PTPRR: variants seen among roughly 807,000 people sequenced by gnomAD.
PTPRR encodes the protein protein tyrosine phosphatase receptor type R, also known as receptor-type tyrosine-protein phosphatase R.
In PTPRR, 38 loss-of-function variants were observed where a neutral mutation model predicts 77.2. That is an observed-to-expected ratio of 0.49 (90% CI 0.38 to 0.65). PTPRR has a LOEUF of 0.65. Ranked by LOEUF, PTPRR falls within the 30% of genes least tolerant of loss-of-function variation. The pLI is 0.00. For missense variants in PTPRR, 744 were observed against 799.2 expected (o/e 0.93, Z 0.83); for synonymous variants, 299 against 283.1 (o/e 1.06, Z -0.57).
chr12:70,711,178 C>T (rs1458877240), intron 6 of PTPRR, among the ~76,000 whole-genome samples: 1 of 151,988 alleles, frequency 6.6e-6, no homozygotes, highest in Non-Finnish European at 1.5e-5. Context: ...AGAAAATGTG[C>T]TACATATACA....
chr12:70,750,292 T>C (rs549904856), intron 5 of PTPRR, among the ~76,000 whole-genome samples: 1 of 152,338 alleles, frequency 6.6e-6, no homozygotes, highest in East Asian at 1.9e-4. Flanking sequence ...AAACCCATGC[T>C]TTTCATTTCT....
intron 2 of PTPRR, among the ~76,000 whole-genome samples, chr12:70,833,330 CT>C (rs974996116): frequency 3.9e-5 from 6 of 152,032 alleles, no homozygotes; most frequent in African/African-American, 1.4e-4. Flanking sequence ...TTTGTTGAGA[CT>C]ATAACAAGAG....
intron 13 of PTPRR, among the ~76,000 whole-genome samples, chr12:70,647,416 A>G (rs944256323): frequency 6.6e-6 from 1 of 152,238 alleles, no homozygotes; most frequent in African/African-American, 2.4e-5. Context: ...ATCTATATGC[A>G]TGTGAAGCAC....
chr12:70,776,696 T>G (rs1042699960), intron 2 of PTPRR, among the ~76,000 whole-genome samples: 2 of 151,972 alleles, frequency 1.3e-5, no homozygotes, highest in African/African-American at 4.8e-5. Context: ...AGACTCAGCC[T>G]TTTTGCTACC....
At position 70,638,825 on chromosome 12, in the gene PTPRR, G is replaced by A. The variant is rs947750564; in HGVS notation, c.*359C>T. Reference sequence around the variant, plus strand: ...CTAACACATAATACGAATGTCTTCAGCAGCTCATCCAGTCATCACCTGATG... The same window carrying A: ...CTAACACATAATACGAATGTCTTCAACAGCTCATCCAGTCATCACCTGATG... On this transcript the variant is annotated 3_prime_UTR_variant, in exon 14 of 14. Coordinates refer to ENST00000283228, the MANE Select transcript of PTPRR (RefSeq NM_002849.4). 1.1e-5 allele frequency: 2 copies of A among 182,892 alleles called. No homozygotes were observed. Among genetic ancestry groups the A allele is most frequent in the Non-Finnish European group, 2.3e-5 (2 of 88,198 alleles). 11.3% of individuals were successfully genotyped at this position (182,892 alleles called of 1,614,324 possible).
intron 1 of PTPRR, among the ~76,000 whole-genome samples, chr12:70,904,447 C>G (rs1416702237): frequency 1.3e-5 from 2 of 151,816 alleles, no homozygotes; most frequent in Non-Finnish European, 2.9e-5. Context: ...AGAAGCCAGT[C>G]TCAAAAAGTC....
chr12:70,735,286 C>G (rs1889823112), intron 6 of PTPRR, among the ~76,000 whole-genome samples: 1 of 152,162 alleles, frequency 6.6e-6, no homozygotes, highest in African/African-American at 2.4e-5. Flanking sequence ...TTGAGTTAAT[C>G]TATAAGGAAA....
At chr12:70,864,723 C>A (rs557283725) in intron 2 of PTPRR, among the ~76,000 whole-genome samples, 5 of 152,164 alleles carry the variant, frequency 3.3e-5, no homozygotes, top group African/African-American at 1.2e-4. Flanking sequence ...GTGGGAGGGA[C>A]CTGGTGAGAG....
intron 2 of PTPRR, among the ~76,000 whole-genome samples, chr12:70,828,627 G>A (rs1892157918): frequency 6.6e-6 from 1 of 152,152 alleles, no homozygotes; most frequent in Non-Finnish European, 1.5e-5. Context: ...TTCTCAGTAT[G>A]TAGTACTTTC....
chr12:70,701,360 TAC>T lies in PTPRR; in HGVS notation c.1008-39_1008-38del, dbSNP rs1008678072. 6 of 1,579,834 alleles carry T rather than the reference TAC, an allele frequency of 3.8e-6. No homozygotes were observed. The Admixed American group carries it at 1.0e-4, about 27-fold the overall frequency. ...AAGAATGTTATGTTTAAACACCACA[TAC>T]TTATTTTGATTGCAAAAACTTGTCT... On this transcript the variant is annotated intron_variant, in intron 6 of 13. Transcript: ENST00000283228.
chr12:70,870,480 C>T (rs953631621), intron 2 of PTPRR, among the ~76,000 whole-genome samples: 2 of 152,178 alleles, frequency 1.3e-5, no homozygotes, highest in African/African-American at 4.8e-5. Context: ...AAGTTTTGCT[C>T]CCTATTCTCA....
At chr12:70,839,889 A>G (rs1217871888) in intron 2 of PTPRR, among the ~76,000 whole-genome samples, 1 of 152,182 alleles carries the variant, frequency 6.6e-6, no homozygotes, top group Non-Finnish European at 1.5e-5. Flanking sequence ...CAAAGTGCCT[A>G]TGCTGTCCTG....
chr12:70,753,268 A>G (rs1890459042), intron 5 of PTPRR, among the ~76,000 whole-genome samples: 2 of 152,180 alleles, frequency 1.3e-5, no homozygotes, highest in African/African-American at 4.8e-5. Context: ...GCAGAAATAA[A>G]CAAAATCCAA....
At chr12:70,750,744 A>AT (rs528377827) in intron 5 of PTPRR, among the ~76,000 whole-genome samples, 10 of 151,992 alleles carry the variant, frequency 6.6e-5, no homozygotes, top group African/African-American at 2.2e-4. Context: ...TTATTTATAT[A>AT]TTTTTCAGAG....
At chr12:70,817,933 G>A (rs1257315628) in intron 2 of PTPRR, among the ~76,000 whole-genome samples, 1 of 152,176 alleles carries the variant, frequency 6.6e-6, no homozygotes, top group East Asian at 1.9e-4. Flanking sequence ...AATTTGGTTG[G>A]CCAGGTGCAG....
intron 1 of PTPRR, among the ~76,000 whole-genome samples, chr12:70,913,717 C>T (rs546845690): frequency 6.6e-6 from 1 of 152,218 alleles, no homozygotes; most frequent in Admixed American, 6.5e-5. Context: ...ATCTCCATTT[C>T]CTTGTTGTCA....
chr12:70,687,938 C>G (rs2136746185), intron 8 of PTPRR, among the ~76,000 whole-genome samples: 1 of 152,008 alleles, frequency 6.6e-6, no homozygotes, highest in East Asian at 1.9e-4. Context: ...AAATGTAGAC[C>G]CTATGGAGAT....
chr12:70,820,663 G>A (rs1891991525), intron 2 of PTPRR, among the ~76,000 whole-genome samples: 1 of 152,112 alleles, frequency 6.6e-6, no homozygotes, highest in South Asian at 2.1e-4. Context: ...TCATCCTTGG[G>A]CTCTGCCTTT....
intron 10 of PTPRR, among the ~76,000 whole-genome samples, chr12:70,664,140 T>G (rs1418159960): frequency 6.6e-6 from 1 of 152,194 alleles, no homozygotes; most frequent in Non-Finnish European, 1.5e-5. Context: ...CTAAATGAAG[T>G]AAATTGTTTC....
Sources: allele counts gnomAD v4.1 joint callset (sites outside exome capture counted in the v4.1 genomes callset), GRCh38; gene constraint gnomAD v4.1.1; transcripts MANE v1.5; gene names NCBI Gene and HGNC (gene_info 2026-07-23, HGNC 2026-07-21).